EP300: variants seen among roughly 807,000 people sequenced by gnomAD.
EP300 encodes the protein EP300 lysine acetyltransferase, also known as histone acetyltransferase p300.
Under a neutral mutation model 264.0 loss-of-function variants are expected in EP300, and 31 were observed. The ratio of observed to expected loss-of-function variants is 0.12; its 90% confidence interval spans 0.09 to 0.16. The LOEUF (loss-of-function observed/expected upper bound fraction) is 0.16. EP300 is among the 10% of genes least tolerant of loss of function. The pLI, the probability that EP300 is intolerant of heterozygous loss-of-function variation, is 1.00. For missense variants in EP300, 2,766 were observed against 3,052.9 expected, an observed-to-expected ratio of 0.91 and a Z score of 2.21; for synonymous variants, 1,340 against 1,045.4, an observed-to-expected ratio of 1.28 and a Z score of -5.44.
chr22:41,151,029 A>G (rs2145738861), intron 14 of EP300, among the ~76,000 whole-genome samples: 1 of 152,264 alleles, frequency 6.6e-6, no homozygotes, highest in African/African-American at 2.4e-5. Context: ...TAAAAATCCA[A>G]ATTCTCATCT....
intron 2 of EP300, among the ~76,000 whole-genome samples, chr22:41,118,542 G>A (rs979183659): frequency 1.3e-5 from 2 of 152,190 alleles, no homozygotes; most frequent in Non-Finnish European, 2.9e-5. Flanking sequence ...GTTCGTTTTT[G>A]TTGAATGAGA....
intron 19 of EP300, chr22:41,159,296 G>C (rs983239393): frequency 6.6e-6 from 1 of 152,168 alleles, no homozygotes; most frequent in Non-Finnish European, 1.5e-5. Context: ...GGTTTTTGCT[G>C]AACTTGTGTG....
chr22:41,176,931 G>C lies in EP300; in HGVS notation c.5220G>C (p.Gln1740His). The change falls in exon 31 of 31, where the codon CAG (glutamine) becomes CAC (histidine). Residue 1740 changes from glutamine to histidine, a missense_variant. Gln to His is a conservative substitution (Grantham distance 24). Coordinates refer to ENST00000263253, the MANE Select transcript of EP300 (RefSeq NM_001429.4). ...GCCTGAGTATCCAGCGCTGCATCCAGTCTCTGGTCCATGCTTGCCAGTGTC... is the reference window on the plus strand; with the variant it reads ...GCCTGAGTATCCAGCGCTGCATCCACTCTCTGGTCCATGCTTGCCAGTGTC... Reference protein sequence around the residue: ...SRRLSIQRCIQSLVHACQCRN... With the variant: ...SRRLSIQRCIHSLVHACQCRN... 1 of 1,614,182 alleles carries C rather than the reference G, an allele frequency of 6.2e-7. No homozygotes were observed. The highest frequency in any genetic ancestry group is 8.5e-7 in the Non-Finnish European group (1 of 1,180,036).
At chr22:41,123,935 A>G (rs1171435340) in intron 2 of EP300, among the ~76,000 whole-genome samples, 1 of 152,244 alleles carries the variant, frequency 6.6e-6, no homozygotes. Context: ...ACATAAATAT[A>G]GAACATAAAC....
chr22:41,158,640 C>T (rs779754879), intron 19 of EP300, 140 bp downstream of exon 19: 8 of 710,950 alleles, frequency 1.1e-5, no homozygotes, highest in Non-Finnish European at 1.7e-5. Flanking sequence ...CTGTTTTTTG[C>T]CTTCTGCCTT....
intron 6 of EP300, 70 bp from the exon 7 acceptor site, chr22:41,135,738 TCTTAA>T (rs2145720508): frequency 8.6e-7 from 1 of 1,168,772 alleles, no homozygotes; most frequent in East Asian, 2.4e-5. Flanking sequence ...GTCATTTGTT[TCTTAA>T]CTTTATAGTA....
chr22:41,105,234 G>T (rs1404284848), intron 1 of EP300, among the ~76,000 whole-genome samples: 1 of 147,846 alleles, frequency 6.8e-6, no homozygotes, highest in Non-Finnish European at 1.5e-5. Context: ...CGGGCGTGGT[G>T]GCAGGCGCCT....
At chr22:41,153,252 C>G (rs993304077) in intron 16 of EP300, among the ~76,000 whole-genome samples, 6 of 152,148 alleles carry the variant, frequency 3.9e-5, no homozygotes, top group African/African-American at 1.4e-4. Context: ...TTTTGTGGCT[C>G]TAGTGATCTG....
At chr22:41,131,672 G>A (rs1200143463) in intron 6 of EP300, 39 bp downstream of exon 6, 1 of 1,613,622 alleles carries the variant, frequency 6.2e-7, no homozygotes, top group South Asian at 1.1e-5. Context: ...TATTGGTTGT[G>A]TCAGTAAATG....
intron 27 of EP300, among the ~76,000 whole-genome samples, chr22:41,171,619 G>A (rs1376106627): frequency 1.3e-5 from 2 of 151,642 alleles, no homozygotes; most frequent in African/African-American, 2.4e-5. Flanking sequence ...TTATAGGCAT[G>A]AGCCACATCA....
At chr22:41,141,255 G>C (rs1053382737) in intron 10 of EP300, 33 bp downstream of exon 10, 1 of 1,594,936 alleles carries the variant, frequency 6.3e-7, no homozygotes, top group Non-Finnish European at 8.6e-7. Flanking sequence ...CTGTTTGAGA[G>C]AAATTGATAA....
intron 1 of EP300, among the ~76,000 whole-genome samples, chr22:41,095,494 A>G (rs1450648073): frequency 6.6e-6 from 1 of 151,652 alleles, no homozygotes; most frequent in Non-Finnish European, 1.5e-5. Flanking sequence ...GGCCTCCCGA[A>G]GTGCTGGGGT....
At chr22:41,132,887 T>G (rs1167226554) in intron 6 of EP300, among the ~76,000 whole-genome samples, 1 of 152,198 alleles carries the variant, frequency 6.6e-6, no homozygotes, top group African/African-American at 2.4e-5. Flanking sequence ...TTGGAAGAAT[T>G]GTTCTAATAT....
chr22:41,104,078 T>TTTTTG (rs1412082358), intron 1 of EP300, among the ~76,000 whole-genome samples: 1 of 152,168 alleles, frequency 6.6e-6, no homozygotes, highest in African/African-American at 2.4e-5. Context: ...TTTGTTGTTG[T>TTTTTG]TTTTGTTTTG....
chr22:41,108,293 G>A (rs1422231621), intron 1 of EP300, among the ~76,000 whole-genome samples: 1 of 131,672 alleles, frequency 7.6e-6, no homozygotes, highest in Non-Finnish European at 1.5e-5. Flanking sequence ...CTGTCGCCCA[G>A]TCTGGAGTGC....
rs869304891 is a variant in EP300, at chr22:41,154,376, C to CTTTTTTTTTTTTTTTTT, written c.3143-612_3143-596dup. 8.3e-3 allele frequency among the ~76,000 whole-genome samples: 512 copies of CTTTTTTTTTTTTTTTTT among 61,792 alleles called. 102 individuals carry two copies. The highest frequency in any genetic ancestry group is 0.014 in the South Asian group (17 of 1,194). 40.5% of individuals were successfully genotyped at this position (61,792 alleles called of 152,430 possible). Reference sequence around the variant, plus strand: ...TCTTAACACGAGTATCTTGTGCACTCTTTTTTTTTTTTTTTTTTTTTTTGA... The same window carrying CTTTTTTTTTTTTTTTTT: ...TCTTAACACGAGTATCTTGTGCACTCTTTTTTTTTTTTTTTTTTTTTTTTTTTTTTTTTTTTTTTTGA... On this transcript the variant is annotated intron_variant, in intron 16 of 30. Transcript: ENST00000263253.
At position 41,178,020 on chromosome 22, in the gene EP300, G is replaced by A. The variant is rs1475164451; in HGVS notation, c.6309G>A (p.Gln2103=). The change falls in exon 31 of 31, where the codon CAG becomes CAA. Residue 2103 remains glutamine (Q), a synonymous_variant. Coordinates refer to ENST00000263253, the MANE Select transcript of EP300 (RefSeq NM_001429.4). ...CTAATCCACAACCCATCCCTGGGCAGCCTGGCATGCCCCAGGGGCAGCCAG... is the reference window on the plus strand; with the variant it reads ...CTAATCCACAACCCATCCCTGGGCAACCTGGCATGCCCCAGGGGCAGCCAG... ...ANSNPQPIPG[Q]PGMPQGQPGL... 2 of 1,614,052 alleles carry A rather than the reference G, an allele frequency of 1.2e-6. No individual in the cohort carries two copies. The highest frequency in any genetic ancestry group is 1.1e-5 in the South Asian group (1 of 91,076).
chr22:41,102,960 A>C (rs936268414), intron 1 of EP300, among the ~76,000 whole-genome samples: 1 of 152,014 alleles, frequency 6.6e-6, no homozygotes, highest in African/African-American at 2.4e-5. Flanking sequence ...AGCGATTCTC[A>C]TGCCTCAGCC....
At position 41,132,257 on chromosome 22, in the gene EP300, A is replaced by G. The variant is rs114730869; in HGVS notation, c.1528+624A>G. On this transcript the variant is annotated intron_variant, in intron 6 of 30. Transcript: ENST00000263253. ...GTCAGTATTCCATGTATCATTTTAAATGGTTGTATAGTATGTCATTCTTTC... is the reference window on the plus strand; with the variant it reads ...GTCAGTATTCCATGTATCATTTTAAGTGGTTGTATAGTATGTCATTCTTTC... 8.3e-3 allele frequency among the ~76,000 whole-genome samples: 1,250 copies of G among 150,046 alleles called. 17 individuals carry two copies. The highest frequency in any genetic ancestry group is 0.024 in the African/African-American group (978 of 40,700).
Sources: gnomAD v4.1 joint callset for allele counts (sites outside exome capture counted in the v4.1 genomes callset) on GRCh38, gnomAD v4.1.1 for gene constraint, MANE v1.5 for transcripts, NCBI Gene and HGNC (gene_info 2026-07-23, HGNC 2026-07-21) for gene names.